Variants in SEMA3C observed in about 807,000 individuals in gnomAD.
SEMA3C encodes semaphorin-3C.
A neutral mutation model predicts 89.4 loss-of-function variants in SEMA3C; 47 were observed. The ratio of observed to expected loss-of-function variants is 0.53; its 90% CI spans 0.42 to 0.67. The LOEUF (loss-of-function observed/expected upper bound fraction) is 0.67. Among genes scored for constraint, SEMA3C ranks in the 30% least tolerant of loss-of-function variants. The probability of loss-of-function intolerance (pLI) is 0.00; values close to 1 mark genes in which losing one functional copy is unlikely to be tolerated. For missense variants in SEMA3C, 839 were observed against 929.1 expected (o/e 0.90, Z 1.26); for synonymous variants, 310 against 320.2 (o/e 0.97, Z 0.34).
At chr7:80,844,827 A>G (rs1790350634) in intron 2 of SEMA3C, among the ~76,000 whole-genome samples, 1 of 152,108 alleles carries the variant, frequency 6.6e-6, no homozygotes, top group South Asian at 2.1e-4. Flanking sequence ...TCAATGAACC[A>G]TGTCTTTTTG....
chr7:80,745,151 C>T lies in SEMA3C; in HGVS notation c.1999G>A (p.Val667Met). The T allele has an allele frequency of 2.5e-6, 4 of 1,614,036 alleles. No homozygotes were observed. The highest frequency in any genetic ancestry group is 1.3e-5 in the African/African-American group (1 of 75,022). Residue 667 changes from valine (V) to methionine (M), a missense_variant, in exon 18 of 18, where the codon GTG becomes ATG. Physicochemically the swap from Val to Met is conservative, Grantham distance 21. Coordinates refer to ENST00000265361, the MANE Select transcript of SEMA3C (RefSeq NM_006379.5). ...INFKVLDSEM[V>M]AVVTDKWSPW... The stretch of plus-strand genomic sequence containing the variant: ...GACCATTTGTCCGTCACAACAGCCA[C>T]CATTTCTGAATCTAAAACTTTGAAG...
chr7:80,903,441 A>T (rs1263992751), intron 2 of SEMA3C, among the ~76,000 whole-genome samples: 1 of 152,166 alleles, frequency 6.6e-6, no homozygotes, highest in African/African-American at 2.4e-5. Context: ...CAGGCAGATC[A>T]CCTGAGGTCA....
At chr7:80,917,980 C>T (rs548309485) in intron 1 of SEMA3C, among the ~76,000 whole-genome samples, 1 of 152,248 alleles carries the variant, frequency 6.6e-6, no homozygotes, top group South Asian at 2.1e-4. Flanking sequence ...CTAGGTGGTG[C>T]ATATGTTATG....
chr7:80,832,450 C>A (rs541666451), intron 2 of SEMA3C, among the ~76,000 whole-genome samples: 1 of 152,282 alleles, frequency 6.6e-6, no homozygotes, highest in South Asian at 2.1e-4. Flanking sequence ...CTATTCTTTT[C>A]TTCCACCTTG....
chr7:80,797,749 A>C (rs141805229), intron 11 of SEMA3C, among the ~76,000 whole-genome samples: 53 of 152,214 alleles, frequency 3.5e-4, no homozygotes, highest in African/African-American at 1.2e-3. Flanking sequence ...CCTGTAATCC[A>C]AGCACTTTGG....
At chr7:80,788,494 A>G (rs7803929) in intron 12 of SEMA3C, among the ~76,000 whole-genome samples, 7,487 of 152,222 alleles carry the variant, frequency 0.049, 408 homozygotes, top group African/African-American at 0.12. Context: ...TGGAAGAAGC[A>G]CCTCAGAATT....
At chr7:80,832,243 T>C (rs1469953627) in intron 2 of SEMA3C, among the ~76,000 whole-genome samples, 2 of 152,160 alleles carry the variant, frequency 1.3e-5, no homozygotes, top group Non-Finnish European at 2.9e-5. Context: ...GTGTCACAGT[T>C]CTGAGTTGAA....
At chr7:80,841,834 T>A (rs1027058803) in intron 2 of SEMA3C, among the ~76,000 whole-genome samples, 3 of 152,192 alleles carry the variant, frequency 2.0e-5, no homozygotes, top group African/African-American at 7.2e-5. Flanking sequence ...GGGAGATGTT[T>A]TCCTAAAAAG....
intron 2 of SEMA3C, among the ~76,000 whole-genome samples, chr7:80,863,660 C>CATATAT (rs57236307): frequency 0.032 from 4,723 of 147,294 alleles, 103 homozygotes; most frequent in Middle Eastern, 0.058. Context: ...ATATATATCA[C>CATATAT]ATATATATAT....
intron 2 of SEMA3C, among the ~76,000 whole-genome samples, chr7:80,913,256 C>T (rs1162445840): frequency 6.6e-6 from 1 of 152,092 alleles, no homozygotes; most frequent in Admixed American, 6.6e-5. Flanking sequence ...CAAAAATTAG[C>T]TGGGCATGGT....
chr7:80,839,832 TC>T (rs1341112392), intron 2 of SEMA3C, among the ~76,000 whole-genome samples: 4 of 151,318 alleles, frequency 2.6e-5, no homozygotes, highest in Non-Finnish European at 5.9e-5. Flanking sequence ...CCCAAGCACA[TC>T]CCTTAAGTGA....
chr7:80,856,213 G>A (rs1456468295), intron 2 of SEMA3C, among the ~76,000 whole-genome samples: 1 of 151,876 alleles, frequency 6.6e-6, no homozygotes, highest in Non-Finnish European at 1.5e-5. Flanking sequence ...GATAACAATG[G>A]ATTTGACAGA....
At position 80,851,661 on chromosome 7, in the gene SEMA3C, C is replaced by T. The variant is rs186273399; in HGVS notation, c.104-22916G>A. 1.5e-3 allele frequency among the ~76,000 whole-genome samples: 231 copies of T among 151,960 alleles called. 1 individual carries two copies. The highest frequency in any genetic ancestry group is 5.3e-3 in the African/African-American group (219 of 41,418). ...GCAAGACCTAACTGAGTGCCAGAAT[C>T]AGCTGAGAGGGCATCATTAAGCAGG... On this transcript the variant is annotated intron_variant, in intron 2 of 17. Transcript: ENST00000265361.
At chr7:80,862,916 A>ATC (rs1167434641) in intron 2 of SEMA3C, among the ~76,000 whole-genome samples, 1 of 152,188 alleles carries the variant, frequency 6.6e-6, no homozygotes, top group Non-Finnish European at 1.5e-5. Flanking sequence ...CTGGATCCTC[A>ATC]TCTCTCTTCT....
chr7:80,864,557 C>A (rs1028017127), intron 2 of SEMA3C, among the ~76,000 whole-genome samples: 2 of 151,702 alleles, frequency 1.3e-5, no homozygotes, highest in African/African-American at 4.8e-5. Context: ...AAATAGGACA[C>A]AATGTAGAAG....
chr7:80,893,337 C>T (rs1229642493), intron 2 of SEMA3C, among the ~76,000 whole-genome samples: 1 of 152,068 alleles, frequency 6.6e-6, no homozygotes, highest in Non-Finnish European at 1.5e-5. Context: ...CGAGGCAGAA[C>T]AAATTGGGAA....
At chr7:80,908,955 G>A (rs894397235) in intron 2 of SEMA3C, among the ~76,000 whole-genome samples, 1 of 151,986 alleles carries the variant, frequency 6.6e-6, no homozygotes, top group African/African-American at 2.4e-5. Flanking sequence ...AATGATACCA[G>A]GAATACAACA....
chr7:80,750,469 T>TACACACACACAC (rs1458342632), intron 16 of SEMA3C, among the ~76,000 whole-genome samples: 8 of 50,210 alleles, frequency 1.6e-4, no homozygotes, highest in Non-Finnish European at 2.4e-4. Context: ...TATATATATA[T>TACACACACACAC]ATATACACAC....
chr7:80,744,222 C>T lies in SEMA3C; in HGVS notation c.*672G>A, dbSNP rs1314229801. Reference sequence around the variant, plus strand: ...CAAACTGCTTCACTGATATAACTCCCACCAAATATCTTCATGGGGTAGGTT... The same window carrying T: ...CAAACTGCTTCACTGATATAACTCCTACCAAATATCTTCATGGGGTAGGTT... On this transcript the variant is annotated 3_prime_UTR_variant, in exon 18 of 18. Transcript: ENST00000265361. 2.0e-5 allele frequency: 3 copies of T among 152,066 alleles called. No homozygotes were observed. Among genetic ancestry groups the T allele is most frequent in the African/African-American group, 7.2e-5 (3 of 41,402 alleles). 9.4% of individuals were successfully genotyped at this position (152,066 alleles called of 1,614,324 possible).
Sources: gnomAD v4.1 joint callset for allele counts (sites outside exome capture counted in the v4.1 genomes callset) on GRCh38, gnomAD v4.1.1 for gene constraint, MANE v1.5 for transcripts, NCBI Gene and HGNC (gene_info 2026-07-23, HGNC 2026-07-21) for gene names.